DGAT1: variants seen among roughly 807,000 people sequenced by gnomAD.
DGAT1 encodes the protein diacylglycerol O-acyltransferase 1, also known as ACAT related gene product 1.
Under a neutral mutation model 72.6 loss-of-function variants are expected in DGAT1, and 60 were observed. The observed-to-expected ratio is 0.83, with a 90% CI of 0.67 to 1.02. The LOEUF is 1.02. DGAT1 is among the 50% of genes least tolerant of loss of function. The pLI, the probability that DGAT1 is intolerant of heterozygous loss-of-function variation, is 0.00. For synonymous variants in DGAT1, 290 were observed against 267.5 expected, an observed-to-expected ratio of 1.08 and a Z score of -0.82; for missense variants, 592 against 670.0, an observed-to-expected ratio of 0.88 and a Z score of 1.29.
chr8:144,317,643 C>G (rs895653759), intron 11 of DGAT1, 28 bp downstream of exon 11: 4 of 1,613,756 alleles, frequency 2.5e-6, no homozygotes, highest in African/African-American at 1.3e-5. Context: ...CCAGCCACCC[C>G]AGCTGCAAGA....
chr8:144,316,359 A>G lies in DGAT1; in HGVS notation c.*195T>C. The G allele has an allele frequency of 1.4e-6, 1 of 697,388 alleles. No individual in the cohort carries two copies. The highest frequency in any genetic ancestry group is 2.3e-6 in the Non-Finnish European group (1 of 433,986). 43.2% of individuals were successfully genotyped at this position (697,388 alleles called of 1,614,324 possible). On this transcript the variant is annotated 3_prime_UTR_variant, in exon 17 of 17. Coordinates refer to ENST00000528718, the MANE Select transcript of DGAT1 (RefSeq NM_012079.6). ...GTCAGCAAGACTCCCAGCTGGCATC[A>G]GACTGTGTCTGGCCTGCTGTCGCCA...
At chr8:144,320,587 C>G (rs1370756576) in intron 2 of DGAT1, among the ~76,000 whole-genome samples, 2 of 152,270 alleles carry the variant, frequency 1.3e-5, no homozygotes, top group East Asian at 3.9e-4. Context: ...AGGCTGGGCC[C>G]AGATAGCCCT....
Position 144,316,910 on chromosome 8 carries a change from C to T in DGAT1, c.1254G>A (p.Leu418=), listed in dbSNP as rs936786241. ...FLASAFFHEY[L]VSVPLRMFRL... ...GGAACATTCGCAGAGGGACGCTCAC[C>T]AGGTACTGAGATGGGAGGGAGAGAG... is the stretch of plus-strand genomic sequence containing the variant. The change falls in exon 16 of 17, where the codon CTG becomes CTA. Residue 418 remains leucine, a synonymous_variant. Coordinates refer to ENST00000528718, the MANE Select transcript of DGAT1 (RefSeq NM_012079.6). 6.2e-7 allele frequency: 1 copy of T among 1,612,444 alleles called. No homozygotes were observed. The highest frequency in any genetic ancestry group is 8.5e-7 in the Non-Finnish European group (1 of 1,179,734).
In DGAT1 at chr8:144,314,862, C is replaced by T. The variant is rs1046136116; in HGVS notation, c.*1692G>A. On this transcript the variant is annotated 3_prime_UTR_variant, in exon 17 of 17. Transcript: ENST00000528718. ...GCTTGCAGCTAGCTCCGTGCCTGCC[C>T]GACTCCCCAGGACCAGCATGTGCTT... 5.6e-5 allele frequency: 55 copies of T among 977,654 alleles called. No individual in the cohort carries two copies. Among genetic ancestry groups the T allele is most frequent in the Middle Eastern group, 5.3e-4 (1 of 1,900 alleles). The allele number at this position is 977,654 out of a possible 1,614,324, so 60.6% of individuals were successfully genotyped here.
At chr8:144,320,664 G>C (rs967868842) in intron 2 of DGAT1, among the ~76,000 whole-genome samples, 8 of 152,064 alleles carry the variant, frequency 5.3e-5, no homozygotes, top group Non-Finnish European at 7.4e-5. Context: ...GGGTGGGGCT[G>C]GCAGCCCCAC....
In DGAT1 at chr8:144,316,303, A is replaced by C. The variant is rs1356615577; in HGVS notation, c.*251T>G. On this transcript the variant is annotated 3_prime_UTR_variant, in exon 17 of 17. Coordinates refer to ENST00000528718, the MANE Select transcript of DGAT1 (RefSeq NM_012079.6). The stretch of plus-strand genomic sequence containing the variant: ...CAGGCTGAAGAGGTCACTGGACAGC[A>C]CTTTATTGACACCCTCGGACCCGGG... The C allele has an allele frequency of 1.1e-5, 6 of 532,722 alleles. No homozygotes were observed. The highest frequency in any genetic ancestry group is 1.9e-5 in the African/African-American group (1 of 52,518). 33.0% of individuals were successfully genotyped at this position (532,722 alleles called of 1,614,324 possible).
intron 1 of DGAT1, among the ~76,000 whole-genome samples, chr8:144,325,787 C>A (rs1817580528): frequency 6.6e-6 from 1 of 152,238 alleles, no homozygotes; most frequent in Non-Finnish European, 1.5e-5. Context: ...ACACAGAACC[C>A]AACTCTCTGT....
chr8:144,321,209 G>A, intron 2 of DGAT1, 112 bp downstream of exon 2: 2 of 1,028,434 alleles, frequency 1.9e-6, no homozygotes, highest in Non-Finnish European at 3.0e-6. Flanking sequence ...CCAGCCCACA[G>A]GGGCTCCAGC....
At position 144,317,786 on chromosome 8, in the gene DGAT1, G is replaced by A; in HGVS notation, c.892C>T (p.Gln298Ter). The A allele has an allele frequency of 6.2e-7, 1 of 1,613,046 alleles. No homozygotes were observed. The highest frequency in any genetic ancestry group is 8.5e-7 in the Non-Finnish European group (1 of 1,179,630). ...CAACCCTGCCCTACCCCACTTACCT[G>A]CTGGATCAGCCCCACCTGGAGCTGG... ...FTQLQVGLIQ[Q>*]WMVPTIQNSM... Residue 298 changes from glutamine (Q) to a stop codon, truncating the protein, a stop_gained and splice_region_variant, in exon 10 of 17, where the codon CAG (glutamine) becomes TAG (stop). Coordinates refer to ENST00000528718, the MANE Select transcript of DGAT1 (RefSeq NM_012079.6). LOFTEE classifies it high-confidence loss of function.
rs1817318456 is a variant in DGAT1 at position 144,318,244 on chromosome 8, C to T, written c.676+17G>A. 6.2e-7 allele frequency: 1 copy of T among 1,612,042 alleles called. No homozygotes were observed. The highest frequency in any genetic ancestry group is 8.5e-7 in the Non-Finnish European group (1 of 1,179,498). ...CAGCCCCCCAGCAGGCAGCCCCAGC[C>T]CCTGGCAGCCCCTCACCAGCCTTGG... is the stretch of plus-strand genomic sequence containing the variant. On this transcript the variant is annotated intron_variant, in intron 7 of 16. Transcript: ENST00000528718.
rs1817399805 is a variant in DGAT1 at position 144,319,963 on chromosome 8, TGA to T, written c.289-897_289-896del. On this transcript the variant is annotated intron_variant, in intron 2 of 16. Coordinates refer to ENST00000528718, the MANE Select transcript of DGAT1 (RefSeq NM_012079.6). The stretch of plus-strand genomic sequence containing the variant: ...GCCTGGGTGGTCAGGGAAGGCTTCA[TGA>T]GAGAGAAGACTGCTTCAGAGACACA... Among the ~76,000 whole-genome samples, 3 of 152,176 alleles carry T rather than the reference TGA, an allele frequency of 2.0e-5. No homozygotes were observed. The South Asian group carries it at 6.2e-4, about 32-fold the overall frequency.
chr8:144,326,679 G>C lies in DGAT1; in HGVS notation c.-43C>G. ...GGCCGCAGCCAAGCGTGGGCCCGCC[G>C]GGTTCGTAGCGCCCGAGGCGCGCGG... On this transcript the variant is annotated 5_prime_UTR_variant, in exon 1 of 17. Transcript: ENST00000528718. 1 of 1,155,802 alleles carries C rather than the reference G, an allele frequency of 8.7e-7. No homozygotes were observed. The highest frequency in any genetic ancestry group is 1.1e-6 in the Non-Finnish European group (1 of 939,130). 71.6% of individuals were successfully genotyped at this position (1,155,802 alleles called of 1,614,324 possible).
At chr8:144,318,049 C>G (rs376469830) in intron 8 of DGAT1, 32 bp from the exon 9 acceptor site, 34 of 1,518,280 alleles carry the variant, frequency 2.2e-5, no homozygotes, top group Non-Finnish European at 3.0e-5. Flanking sequence ...GGTACCAGAA[C>G]AGGCCCAGCC....
intron 1 of DGAT1, 50 bp downstream of exon 1, chr8:144,326,387 A>G: frequency 7.3e-7 from 1 of 1,360,872 alleles, no homozygotes. Flanking sequence ...CAACCCCGGA[A>G]AGTCGCGGGG....
chr8:144,319,217 G>A, intron 2 of DGAT1, 149 bp from the exon 3 acceptor site: 3 of 882,750 alleles, frequency 3.4e-6, no homozygotes, highest in Admixed American at 2.1e-5. Context: ...TGGTCTCCAT[G>A]CCAAGCTCTG....
intron 2 of DGAT1, among the ~76,000 whole-genome samples, chr8:144,321,047 C>T (rs1817438503): frequency 6.6e-6 from 1 of 152,172 alleles, no homozygotes. Context: ...GCCCACACCA[C>T]ATCTGCAGGG....
chr8:144,317,944 C>G lies in DGAT1; in HGVS notation c.825G>C (p.Lys275Asn), dbSNP rs782152635. The G allele has an allele frequency of 3.3e-6, 5 of 1,519,536 alleles. No homozygotes were observed. Among genetic ancestry groups the G allele is most frequent in the Non-Finnish European group, 3.5e-6 (4 of 1,135,760 alleles). The allele number at this position is 1,519,536 out of a possible 1,614,324, so 94.1% of individuals were successfully genotyped here. The stretch of plus-strand genomic sequence containing the variant: ...CAAGGATCCGTCGCAGCAGAAAGCG[C>G]TTCCGGATGCGGGGAGAGCGGGGAA... ...LNFPRSPRIR[K>N]RFLLRRILEM... is the part of the protein sequence containing the mutation. The change falls in exon 9 of 17, where the codon AAG becomes AAC. Residue 275 changes from lysine (K) to asparagine (N), a missense_variant. Coordinates refer to ENST00000528718, the MANE Select transcript of DGAT1 (RefSeq NM_012079.6).
At position 144,315,525 on chromosome 8, in the gene DGAT1, TCAAG is replaced by T. The variant is rs1233332590; in HGVS notation, c.*1025_*1028del. On this transcript the variant is annotated 3_prime_UTR_variant, in exon 17 of 17. Coordinates refer to ENST00000528718, the MANE Select transcript of DGAT1 (RefSeq NM_012079.6). Reference sequence around the variant, plus strand: ...CCTGGTCCAGTCTTGGGGTCTTTAATCAAGCAGTCACCCCAGCAAGGTAAGGCAG... The same window carrying T: ...CCTGGTCCAGTCTTGGGGTCTTTAATCAGTCACCCCAGCAAGGTAAGGCAG... The T allele has an allele frequency of 6.1e-6, 6 of 985,526 alleles. No homozygotes were observed. The highest frequency in any genetic ancestry group is 5.2e-4 in the Middle Eastern group (1 of 1,914). 61.0% of individuals were successfully genotyped at this position (985,526 alleles called of 1,614,324 possible).
chr8:144,318,744 A>G lies in DGAT1; in HGVS notation c.423T>C (p.Asn141=), dbSNP rs782294869. 5.0e-6 allele frequency: 8 copies of G among 1,607,294 alleles called. No individual in the cohort carries two copies. In the Admixed American group the frequency reaches 5.1e-5, roughly 10 times the overall value. ...CCTGGAATGCAGCCACAGCAAAGAC[A>G]TTGGCCGCTGTGGACAGAAGCACCA... ...WPAPCLVIAA[N]VFAVAAFQVE... is the part of the protein sequence containing the mutation. Residue 141 remains asparagine (N), a synonymous_variant, in exon 5 of 17, where the codon AAT becomes AAC. Coordinates refer to ENST00000528718, the MANE Select transcript of DGAT1 (RefSeq NM_012079.6).
Sources: gnomAD v4.1 joint callset for allele counts (sites outside exome capture counted in the v4.1 genomes callset) on GRCh38, gnomAD v4.1.1 for gene constraint, MANE v1.5 for transcripts, NCBI Gene and HGNC (gene_info 2026-07-23, HGNC 2026-07-21) for gene names.